BLACAT1: variants seen among roughly 807,000 people sequenced by gnomAD.
BLACAT1 encodes bladder cancer associated transcript 1.
intron 1 of BLACAT1, among the ~76,000 whole-genome samples, chr1:205,454,440 TG>T (rs1447931601): frequency 2.4e-4 from 20 of 84,258 alleles, no homozygotes; most frequent in Admixed American, 2.3e-3. Flanking sequence ...GGGATGGGGG[TG>T]GGGGGTGGTG....
chr1:205,454,864 T>TAA (rs879704935), intron 1 of BLACAT1, among the ~76,000 whole-genome samples: 3 of 142,944 alleles, frequency 2.1e-5, no homozygotes, highest in African/African-American at 5.1e-5. Context: ...TTAAGGTATG[T>TAA]AAAAAAAAAA....
chr1:205,440,154 C>T (rs943948506), exon 2 of BLACAT1, among the ~76,000 whole-genome samples: 3 of 152,172 alleles, frequency 2.0e-5, no homozygotes, highest in Non-Finnish European at 1.5e-5. Context: ...AGTCTGGCCA[C>T]GGCAAGACAG....
chr1:205,439,233 G>A (rs1245511148), downstream of BLACAT1, among the ~76,000 whole-genome samples: 1 of 152,192 alleles, frequency 6.6e-6, no homozygotes, highest in African/African-American at 2.4e-5. Flanking sequence ...GACCCCACTG[G>A]CCTTTATTGC....
downstream of BLACAT1, chr1:205,435,028 C>CTT (rs1007822981): frequency 2.0e-5 from 3 of 152,192 alleles, no homozygotes; most frequent in African/African-American, 7.2e-5. Flanking sequence ...CAATTAGAGG[C>CTT]TTAGTAAATG....
chr1:205,445,152 G>A (rs912869887), intron 1 of BLACAT1, among the ~76,000 whole-genome samples: 21 of 152,134 alleles, frequency 1.4e-4, no homozygotes, highest in African/African-American at 4.6e-4. Context: ...AATTAAAAAC[G>A]AAGGGGGTGA....
At position 205,448,503 on chromosome 1, in the gene BLACAT1, GCCTC is replaced by G. The variant is rs1666442522; in HGVS notation, c.-37+7410_-37+7413del. 4.5e-6 allele frequency: 2 copies of G among 448,268 alleles called. No homozygotes were observed. The highest frequency in any genetic ancestry group is 5.4e-5 in the Admixed American group (2 of 36,824). 27.8% of individuals were successfully genotyped at this position (448,268 alleles called of 1,614,324 possible). On this transcript the variant is annotated intron_variant, in intron 1 of 1. Transcript: ENST00000629624. This position sits in a 1 kb window ranked among gnomAD's most constrained non-coding sequence, Gnocchi z 4.7. The stretch of plus-strand genomic sequence containing the variant: ...CCCCGACCCCAGACCCACCCACACT[GCCTC>G]CCTCCAGGACTGGGCCCCCCAGGTT...
At chr1:205,437,968 C>T (rs1425658046), downstream of BLACAT1, 1 of 152,050 alleles carries the variant, frequency 6.6e-6, no homozygotes, top group African/African-American at 2.4e-5. Context: ...TTTCTATGAA[C>T]CCATATGCTA....
At chr1:205,453,175 T>C (rs1666518630) in intron 1 of BLACAT1, among the ~76,000 whole-genome samples, 1 of 152,166 alleles carries the variant, frequency 6.6e-6, no homozygotes, top group Non-Finnish European at 1.5e-5. Flanking sequence ...GGAGTTGTGG[T>C]TGAGACGGAT....
intron 1 of BLACAT1, 67 bp downstream of exon 1, chr1:205,455,850 C>G (rs549283047): frequency 2.5e-4 from 38 of 152,406 alleles, no homozygotes; most frequent in Admixed American, 2.2e-3. Flanking sequence ...CACTCGGGCC[C>G]CCAACCCGGC....
chr1:205,444,476 C>A (rs1024437407), intron 1 of BLACAT1, among the ~76,000 whole-genome samples: 16 of 151,542 alleles, frequency 1.1e-4, no homozygotes, highest in African/African-American at 3.9e-4. Context: ...CCTGCTGATC[C>A]TTTCCCTTGG....
chr1:205,445,185 C>CCTCCCT (rs967373487), intron 1 of BLACAT1, among the ~76,000 whole-genome samples: 7 of 152,100 alleles, frequency 4.6e-5, no homozygotes, highest in Non-Finnish European at 5.9e-5. Context: ...CTCCCCACCT[C>CCTCCCT]CTCCCTCTCC....
chr1:205,445,638 G>C (rs12121596), intron 1 of BLACAT1, among the ~76,000 whole-genome samples: 32,946 of 152,198 alleles, frequency 0.22, 4,426 homozygotes, highest in Non-Finnish European at 0.31. Context: ...CAGTGGTTCT[G>C]AGATTCTTGG....
intron 1 of BLACAT1, among the ~76,000 whole-genome samples, chr1:205,447,834 C>T (rs1215681851): frequency 6.6e-6 from 1 of 152,154 alleles, no homozygotes; most frequent in African/African-American, 2.4e-5. Flanking sequence ...CCCATTTCAG[C>T]CTCAGAAAGA....
intron 1 of BLACAT1, among the ~76,000 whole-genome samples, chr1:205,444,537 C>A (rs1666351152): frequency 6.6e-6 from 1 of 152,132 alleles, no homozygotes. Context: ...GTCCTCCAAC[C>A]CTTGCACCTC....
chr1:205,443,915 G>T (rs1666339238), intron 1 of BLACAT1, among the ~76,000 whole-genome samples: 1 of 152,170 alleles, frequency 6.6e-6, no homozygotes, highest in Non-Finnish European at 1.5e-5. Context: ...GCCAGGCTGT[G>T]GTCTCTGCTC....
chr1:205,450,300 A>G lies in BLACAT1; in HGVS notation c.-37+5617T>C, dbSNP rs1413024777. Among the ~76,000 whole-genome samples the G allele has an allele frequency of 7.3e-5, 11 of 151,672 alleles. No homozygotes were observed. The highest frequency in any genetic ancestry group is 1.5e-4 in the Non-Finnish European group (10 of 67,876). Reference sequence around the variant, plus strand: ...ATTACTCACGTCCCCCTGCCGGGCTATTGGTGCAGAGGGGCTGTTTGGTCC... The same window carrying G: ...ATTACTCACGTCCCCCTGCCGGGCTGTTGGTGCAGAGGGGCTGTTTGGTCC... On this transcript the variant is annotated intron_variant, in intron 1 of 1. Coordinates refer to ENST00000629624, the Ensembl canonical transcript of BLACAT1. The surrounding 1 kb of genome is among the most constrained non-coding windows in gnomAD (Gnocchi z 4.4).
chr1:205,451,978 A>G (rs1666503296), intron 1 of BLACAT1, among the ~76,000 whole-genome samples: 1 of 152,086 alleles, frequency 6.6e-6, no homozygotes, highest in African/African-American at 2.4e-5. Flanking sequence ...ACAAAGAGAA[A>G]CTGGAGGCAG....
chr1:205,442,531 A>T (rs909159347), intron 1 of BLACAT1, among the ~76,000 whole-genome samples: 5 of 152,318 alleles, frequency 3.3e-5, no homozygotes, highest in Admixed American at 3.3e-4. Context: ...GGTGGATCCA[A>T]GTCCTGTCAA....
At chr1:205,439,873 A>T (rs1666264889), downstream of BLACAT1, among the ~76,000 whole-genome samples, 2 of 151,438 alleles carry the variant, frequency 1.3e-5, no homozygotes, top group African/African-American at 4.9e-5. Context: ...GAAGAAGGAA[A>T]GAGGGAAGGA....
Sources: gnomAD v4.1 joint callset for allele counts (sites outside exome capture counted in the v4.1 genomes callset) on GRCh38, gnomAD v4.1.1 for gene constraint, Gnocchi (gnomAD v3.1) non-coding constraint, MANE v1.5 for transcripts, NCBI Gene and HGNC (gene_info 2026-07-23, HGNC 2026-07-21) for gene names.